The following TMED2 variants were observed in gnomAD, a reference collection of about 807,000 sequenced individuals.
TMED2 encodes transmembrane emp24 domain-containing protein 2.
Under a neutral mutation model 17.5 loss-of-function variants are expected in TMED2, and 3 were observed. The ratio of observed to expected loss-of-function variants is 0.17; its 90% CI spans 0.08 to 0.44. The LOEUF is 0.44. Ranked by LOEUF, TMED2 falls within the 20% of genes least tolerant of loss-of-function variation. The pLI is 0.99. For missense variants in TMED2, 149 were observed against 254.8 expected (o/e 0.58, Z 2.83); for synonymous variants, 95 against 91.0 (o/e 1.04, Z -0.25).
intron 3 of TMED2, 124 bp downstream of exon 3, chr12:123,590,573 G>A: frequency 1.5e-6 from 1 of 652,930 alleles, no homozygotes; most frequent in Non-Finnish European, 2.6e-6. Flanking sequence ...GACTTTAAAA[G>A]TGTACCTACA....
intron 2 of TMED2, 94 bp from the exon 3 acceptor site, chr12:123,590,248 G>A (rs1328029449): frequency 1.5e-5 from 14 of 926,218 alleles, no homozygotes; most frequent in Non-Finnish European, 7.7e-6. Context: ...GAGCACCACT[G>A]CACTCCAGCC....
chr12:123,595,595 T>A (rs1205058900), intron 3 of TMED2, among the ~76,000 whole-genome samples: 1 of 152,172 alleles, frequency 6.6e-6, no homozygotes, highest in East Asian at 1.9e-4. Context: ...GTTTTCTGAT[T>A]CAGCAAATTG....
At chr12:123,593,463 A>G (rs1953408046) in intron 3 of TMED2, among the ~76,000 whole-genome samples, 1 of 152,202 alleles carries the variant, frequency 6.6e-6, no homozygotes, top group Admixed American at 6.5e-5. Flanking sequence ...TTTTGAAATA[A>G]TTCCTTAATT....
chr12:123,584,586 GGCGGC>G lies in TMED2; in HGVS notation c.-50_-46del, dbSNP rs770590631. The G allele has an allele frequency of 5.7e-6, 9 of 1,568,464 alleles. No homozygotes were observed. The highest frequency in any genetic ancestry group is 2.3e-5 in the South Asian group (2 of 88,682). On this transcript the variant is annotated 5_prime_UTR_variant, in exon 1 of 4. Coordinates refer to ENST00000262225, the MANE Select transcript of TMED2 (RefSeq NM_006815.4). ...GCGGGGCGGCGGCGGCGGCGGCGGC[GGCGGC>G]TGTGGAGGCCGCAGTCCGGGTCCTG...
chr12:123,588,733 A>C (rs1340695866), intron 2 of TMED2, among the ~76,000 whole-genome samples: 1 of 152,190 alleles, frequency 6.6e-6, no homozygotes, highest in East Asian at 1.9e-4. Context: ...TGCTACAGGC[A>C]TCTAGGACTG....
intron 1 of TMED2, chr12:123,585,250 T>C (rs1047013040): frequency 3.7e-5 from 6 of 162,980 alleles, no homozygotes; most frequent in African/African-American, 1.4e-4. Flanking sequence ...ACGGAAACTT[T>C]TCCAAAAAAT....
intron 3 of TMED2, among the ~76,000 whole-genome samples, chr12:123,591,589 C>G (rs1017123463): frequency 6.6e-6 from 1 of 152,070 alleles, no homozygotes; most frequent in African/African-American, 2.4e-5. Context: ...TGAGACCATC[C>G]TGGCCAACAT....
At chr12:123,594,292 G>A (rs12313875) in intron 3 of TMED2, among the ~76,000 whole-genome samples, 1 of 151,774 alleles carries the variant, frequency 6.6e-6, no homozygotes, top group Admixed American at 6.6e-5. Flanking sequence ...CTGCCACCAC[G>A]CCTGGGTAAT....
chr12:123,587,715 C>A, intron 2 of TMED2: 1 of 1,182,174 alleles, frequency 8.5e-7, no homozygotes, highest in Non-Finnish European at 1.1e-6. Flanking sequence ...TTTCTAACCT[C>A]AGTTTGTTGG....
In TMED2 at chr12:123,584,645, G is replaced by C; in HGVS notation, c.9G>C (p.Thr3=). MV[T]LAELLVLLAA... is the part of the protein sequence containing the mutation. ...TCGGCCTCAGCCCCACCATGGTGAC[G>C]CTTGCTGAACTGCTGGTGCTTCTGG... The change falls in exon 1 of 4, where the codon ACG becomes ACC. Residue 3 remains threonine (T), a synonymous_variant. Coordinates refer to ENST00000262225, the MANE Select transcript of TMED2 (RefSeq NM_006815.4). 1 of 1,611,264 alleles carries C rather than the reference G, an allele frequency of 6.2e-7. No homozygotes were observed. Among genetic ancestry groups the C allele is most frequent in the Non-Finnish European group, 8.5e-7 (1 of 1,179,606 alleles).
chr12:123,593,778 G>A (rs982266636), intron 3 of TMED2, among the ~76,000 whole-genome samples: 12 of 151,568 alleles, frequency 7.9e-5, no homozygotes, highest in African/African-American at 2.7e-4. Flanking sequence ...GATTACAGGC[G>A]TGAGCCACCA....
Position 123,596,791 on chromosome 12 carries a change from T to G in TMED2, c.*62T>G. The stretch of plus-strand genomic sequence containing the variant: ...TGTTTACCAAACACCTTGGTCATAA[T>G]AATGTCATTAGTTTCTCCATTTTTA... On this transcript the variant is annotated 3_prime_UTR_variant, in exon 4 of 4. Coordinates refer to ENST00000262225, the MANE Select transcript of TMED2 (RefSeq NM_006815.4). The G allele has an allele frequency of 6.8e-7, 1 of 1,477,010 alleles. No individual in the cohort carries two copies. The highest frequency in any genetic ancestry group is 9.0e-7 in the Non-Finnish European group (1 of 1,110,218). 91.5% of individuals were successfully genotyped at this position (1,477,010 alleles called of 1,614,324 possible). A position where few individuals can be genotyped will look rare whatever the true frequency, so the allele number is the denominator to read the frequency against.
chr12:123,584,592 T>A lies in TMED2; in HGVS notation c.-45T>A. ...CGGCGGCGGCGGCGGCGGCGGCGGC[T>A]GTGGAGGCCGCAGTCCGGGTCCTGG... On this transcript the variant is annotated 5_prime_UTR_variant, in exon 1 of 4. Coordinates refer to ENST00000262225, the MANE Select transcript of TMED2 (RefSeq NM_006815.4). 1 of 1,545,708 alleles carries A rather than the reference T, an allele frequency of 6.5e-7. No homozygotes were observed. Among genetic ancestry groups the A allele is most frequent in the Non-Finnish European group, 8.7e-7 (1 of 1,143,044 alleles).
chr12:123,594,367 C>CTCG (rs1177911688), intron 3 of TMED2, among the ~76,000 whole-genome samples: 1 of 151,868 alleles, frequency 6.6e-6, no homozygotes, highest in Non-Finnish European at 1.5e-5. Context: ...ATCTCCTGAC[C>CTCG]TCGTGATCCA....
At position 123,588,185 on chromosome 12, in the gene TMED2, G is replaced by T. The variant is rs1953365761; in HGVS notation, c.373+1246G>T. 2.0e-5 allele frequency among the ~76,000 whole-genome samples: 3 copies of T among 146,582 alleles called. No homozygotes were observed. In the South Asian group the frequency reaches 6.4e-4, roughly 31 times the overall value. On this transcript the variant is annotated intron_variant, in intron 2 of 3. Transcript: ENST00000262225. ...TTACCGGGAGCCAGCACATTTGGTG[G>T]TGTTTTTTTTTGTTTTTTTTTTCCC... is the stretch of plus-strand genomic sequence containing the variant.
intron 3 of TMED2, among the ~76,000 whole-genome samples, chr12:123,595,799 C>G (rs1410128606): frequency 6.6e-6 from 1 of 152,032 alleles, no homozygotes; most frequent in Non-Finnish European, 1.5e-5. Flanking sequence ...GAGGCTGAGG[C>G]AGGAGGATCA....
chr12:123,593,302 G>C (rs1178965157), intron 3 of TMED2, among the ~76,000 whole-genome samples: 1 of 151,856 alleles, frequency 6.6e-6, no homozygotes, highest in East Asian at 1.9e-4. Flanking sequence ...GCCCAGGCTG[G>C]AGTGCAGTGG....
chr12:123,587,284 T>A (rs1390343547), intron 2 of TMED2, among the ~76,000 whole-genome samples: 1 of 152,168 alleles, frequency 6.6e-6, no homozygotes, highest in Non-Finnish European at 1.5e-5. Flanking sequence ...TATGCCACCA[T>A]GCCCGGCTAA....
At chr12:123,596,465 C>A in intron 3 of TMED2, 140 bp from the exon 4 acceptor site, 2 of 1,105,622 alleles carry the variant, frequency 1.8e-6, no homozygotes, top group Non-Finnish European at 1.2e-6. Flanking sequence ...GTAACCCCAT[C>A]GTAAGTTGAG....
Sources: gnomAD v4.1 joint callset for allele counts (sites outside exome capture counted in the v4.1 genomes callset) on GRCh38, gnomAD v4.1.1 for gene constraint, MANE v1.5 for transcripts, NCBI Gene and HGNC (gene_info 2026-07-23, HGNC 2026-07-21) for gene names.